Variants in TRDN observed in about 807,000 individuals in gnomAD.
TRDN encodes triadin, also known as triadin in skeletal muscle.
TRDN carries 161 observed loss-of-function variants against 149.7 expected under a neutral mutation model. That is an observed-to-expected ratio of 1.08 (90% CI 0.95 to 1.23). TRDN has a LOEUF of 1.23. TRDN is among the 50% of genes most tolerant of loss of function. The pLI is 0.00. For missense variants in TRDN, 896 were observed against 823.5 expected, an observed-to-expected ratio of 1.09 and a Z score of -1.08; for synonymous variants, 294 against 250.5, an observed-to-expected ratio of 1.17 and a Z score of -1.64.
intron 2 of TRDN, among the ~76,000 whole-genome samples, chr6:123,556,320 C>T (rs992988292): frequency 6.6e-6 from 1 of 152,066 alleles, no homozygotes; most frequent in African/African-American, 2.4e-5. Context: ...AACTTCAAAA[C>T]TAAGTGTCTG....
At chr6:123,269,939 T>A (rs369035385) in intron 30 of TRDN, 73 bp from the exon 31 acceptor site, 2 of 1,437,360 alleles carry the variant, frequency 1.4e-6, no homozygotes, top group African/African-American at 2.8e-5. Context: ...GTTTAGTATT[T>A]GTATTTACTT....
chr6:123,556,223 G>A (rs965555013), intron 2 of TRDN, among the ~76,000 whole-genome samples: 14 of 151,828 alleles, frequency 9.2e-5, no homozygotes, highest in Non-Finnish European at 1.6e-4. Flanking sequence ...GCCATACTTA[G>A]GAATAAATGT....
intron 21 of TRDN, chr6:123,349,665 C>T (rs954366994): frequency 2.1e-6 from 2 of 961,114 alleles, no homozygotes; most frequent in Non-Finnish European, 2.5e-6. Context: ...CTTTGGTACA[C>T]CAAGAAATAT....
intron 20 of TRDN, among the ~76,000 whole-genome samples, chr6:123,358,262 T>A (rs1347670965): frequency 1.3e-5 from 2 of 152,178 alleles, no homozygotes; most frequent in African/African-American, 4.8e-5. Flanking sequence ...GCTAACACAC[T>A]TGGTATGTAA....
intron 14 of TRDN, among the ~76,000 whole-genome samples, chr6:123,386,509 A>G (rs1781911731): frequency 6.6e-6 from 1 of 152,208 alleles, no homozygotes; most frequent in Non-Finnish European, 1.5e-5. Context: ...CCATGCAGGT[A>G]AAGTTTTGAA....
At chr6:123,324,792 C>A (rs1779380869) in intron 23 of TRDN, among the ~76,000 whole-genome samples, 1 of 152,130 alleles carries the variant, frequency 6.6e-6, no homozygotes, top group Non-Finnish European at 1.5e-5. Context: ...CAGAGAAAAT[C>A]CTGGCCCCCT....
chr6:123,387,628 C>T (rs1781956976), intron 14 of TRDN, among the ~76,000 whole-genome samples: 1 of 152,058 alleles, frequency 6.6e-6, no homozygotes, highest in Non-Finnish European at 1.5e-5. Flanking sequence ...TATAGAACCA[C>T]TGAAAAGATC....
intron 5 of TRDN, among the ~76,000 whole-genome samples, chr6:123,523,652 A>G (rs1214678960): frequency 6.6e-6 from 1 of 152,170 alleles, no homozygotes; most frequent in Non-Finnish European, 1.5e-5. Flanking sequence ...GAAGAGAGAA[A>G]GTAGACTAAA....
chr6:123,388,488 CA>C, intron 14 of TRDN, 33 bp downstream of exon 14: 3 of 1,576,204 alleles, frequency 1.9e-6, no homozygotes, highest in Admixed American at 1.8e-5. Flanking sequence ...ATTGTACTCA[CA>C]AAAGGCTCAG....
intron 9 of TRDN, among the ~76,000 whole-genome samples, chr6:123,475,079 G>C (rs1158201777): frequency 6.7e-6 from 1 of 149,896 alleles, no homozygotes; most frequent in East Asian, 1.9e-4. Context: ...GAAGGAAATA[G>C]AGATACAAAA....
In TRDN at chr6:123,224,128, T is replaced by G; in HGVS notation, c.1979A>C (p.Asp660Ala). Reference protein sequence around the residue: ...KAEKPARVSKDVEDVPASKKA... With the variant: ...KAEKPARVSKAVEDVPASKKA... ...CTTTGAAGCTGGTACATCTTCAACA[T>G]CTTCTAGAGTACAGAAAAAAGGCAC... is the stretch of plus-strand genomic sequence containing the variant. Residue 660 changes from aspartate to alanine, a missense_variant, in exon 39 of 41, where the codon GAT becomes GCT. By Grantham distance (126) the Asp-to-Ala change is moderately radical. Coordinates refer to ENST00000334268, the MANE Select transcript of TRDN (RefSeq NM_006073.4). 1 of 1,610,256 alleles carries G rather than the reference T, an allele frequency of 6.2e-7. No individual in the cohort carries two copies. The highest frequency in any genetic ancestry group is 8.5e-7 in the Non-Finnish European group (1 of 1,177,746).
chr6:123,590,779 A>G (rs1296479732), intron 1 of TRDN, among the ~76,000 whole-genome samples: 1 of 152,028 alleles, frequency 6.6e-6, no homozygotes, highest in Admixed American at 6.6e-5. Context: ...AATAATAATG[A>G]TAGTAGTAAT....
chr6:123,265,521 C>G (rs920327805), intron 32 of TRDN, among the ~76,000 whole-genome samples, 183 bp from the exon 33 acceptor site: 1 of 151,292 alleles, frequency 6.6e-6, no homozygotes, highest in African/African-American at 2.4e-5. Context: ...CAATGAGTTT[C>G]TCATGGAGCA....
At chr6:123,345,579 G>A (rs186448188) in intron 21 of TRDN, among the ~76,000 whole-genome samples, 2 of 152,034 alleles carry the variant, frequency 1.3e-5, no homozygotes, top group Admixed American at 6.6e-5. Context: ...GAATTAGTTT[G>A]TCAATAGCCA....
At chr6:123,230,782 T>A (rs531741511) in intron 38 of TRDN, among the ~76,000 whole-genome samples, 30 of 152,124 alleles carry the variant, frequency 2.0e-4, no homozygotes, top group African/African-American at 7.0e-4. Flanking sequence ...AACAGATTTT[T>A]AAAAATTTCA....
chr6:123,599,274 T>C (rs2114643413), intron 1 of TRDN, among the ~76,000 whole-genome samples: 1 of 152,218 alleles, frequency 6.6e-6, no homozygotes, highest in Admixed American at 6.6e-5. Flanking sequence ...AAACTGCTTT[T>C]TCGTGGATAT....
At chr6:123,448,091 C>T (rs745742034) in intron 10 of TRDN, among the ~76,000 whole-genome samples, 13 of 152,174 alleles carry the variant, frequency 8.5e-5, no homozygotes, top group Non-Finnish European at 1.8e-4. Context: ...ACTGAGAGCT[C>T]GCTGGGTCCC....
chr6:123,366,237 A>C, intron 19 of TRDN, 55 bp from the exon 20 acceptor site: 2 of 1,456,154 alleles, frequency 1.4e-6, no homozygotes, highest in South Asian at 2.3e-5. Context: ...TGCCAAATTC[A>C]CATCTTATAC....
intron 1 of TRDN, 94 bp downstream of exon 1, chr6:123,636,660 C>A (rs900996169): frequency 4.1e-6 from 6 of 1,472,624 alleles, no homozygotes; most frequent in Non-Finnish European, 5.7e-6. Context: ...TACCTTAAAG[C>A]AACATTTTAA....
Sources: allele counts gnomAD v4.1 joint callset (sites outside exome capture counted in the v4.1 genomes callset), GRCh38; gene constraint gnomAD v4.1.1; transcripts MANE v1.5; gene names NCBI Gene and HGNC (gene_info 2026-07-23, HGNC 2026-07-21).